The following SLC4A10 variants were observed in gnomAD, a reference collection of about 807,000 sequenced individuals.
SLC4A10 encodes sodium-driven chloride bicarbonate exchanger.
A neutral mutation model predicts 137.7 loss-of-function variants in SLC4A10; 42 were observed. The ratio of observed to expected loss-of-function variants is 0.30; its 90% CI spans 0.24 to 0.39. The LOEUF (loss-of-function observed/expected upper bound fraction) is 0.39. SLC4A10 is among the 10% of genes least tolerant of loss of function. SLC4A10 has a pLI of 1.00. For missense variants in SLC4A10, 925 were observed against 1,355.0 expected (o/e 0.68, Z 4.98); for synonymous variants, 474 against 464.1 (o/e 1.02, Z -0.27).
intron 2 of SLC4A10, among the ~76,000 whole-genome samples, chr2:161,789,104 A>G (rs2053939448): frequency 6.6e-6 from 1 of 152,222 alleles, no homozygotes; most frequent in Admixed American, 6.5e-5. Context: ...TGAGTGCACA[A>G]CCAGTGTGGC....
intron 3 of SLC4A10, among the ~76,000 whole-genome samples, chr2:161,833,397 A>G (rs1171567561): frequency 3.5e-4 from 54 of 152,226 alleles, no homozygotes; most frequent in Admixed American, 3.5e-3. Flanking sequence ...TAGATGAGGC[A>G]TTAATTAGTA....
chr2:161,778,148 C>T (rs1559228319), intron 2 of SLC4A10, among the ~76,000 whole-genome samples: 1 of 151,906 alleles, frequency 6.6e-6, no homozygotes, highest in Non-Finnish European at 1.5e-5. Context: ...TTATTACAGA[C>T]TTTCTGTTCA....
At chr2:161,906,553 T>C (rs1234157416) in intron 15 of SLC4A10, among the ~76,000 whole-genome samples, 2 of 152,206 alleles carry the variant, frequency 1.3e-5, no homozygotes, top group Non-Finnish European at 2.9e-5. Flanking sequence ...GGCCATTAAA[T>C]GACCCCATTA....
intron 1 of SLC4A10, among the ~76,000 whole-genome samples, chr2:161,698,477 T>A (rs962479881): frequency 2.0e-5 from 3 of 152,192 alleles, no homozygotes. Context: ...TTGAGATACG[T>A]CCCATCAATA....
At chr2:161,825,293 G>A (rs1270713051) in intron 3 of SLC4A10, among the ~76,000 whole-genome samples, 2 of 151,942 alleles carry the variant, frequency 1.3e-5, no homozygotes, top group Non-Finnish European at 2.9e-5. Context: ...ACATCTTCCT[G>A]CAGATGCTCC....
At chr2:161,702,195 T>C (rs2043193083) in intron 1 of SLC4A10, among the ~76,000 whole-genome samples, 1 of 151,882 alleles carries the variant, frequency 6.6e-6, no homozygotes, top group Non-Finnish European at 1.5e-5. Flanking sequence ...GTGGTATATA[T>C]AAACAATGAA....
intron 4 of SLC4A10, among the ~76,000 whole-genome samples, chr2:161,850,379 G>C (rs1353026215): frequency 6.6e-6 from 1 of 152,026 alleles, no homozygotes; most frequent in African/African-American, 2.4e-5. Context: ...GACAGAGCAA[G>C]ACTCTGTCTC....
chr2:161,713,083 G>C (rs934541595), intron 1 of SLC4A10, among the ~76,000 whole-genome samples: 3 of 151,794 alleles, frequency 2.0e-5, no homozygotes, highest in Admixed American at 6.6e-5. Flanking sequence ...ATTTCAGGCA[G>C]AGGAAACAAC....
chr2:161,703,227 T>C (rs2043305122), intron 1 of SLC4A10, among the ~76,000 whole-genome samples: 1 of 151,766 alleles, frequency 6.6e-6, no homozygotes, highest in African/African-American at 2.4e-5. Flanking sequence ...CACAAAGATG[T>C]TTATTACACT....
intron 9 of SLC4A10, among the ~76,000 whole-genome samples, chr2:161,882,128 T>C (rs1055966196): frequency 2.9e-5 from 4 of 136,748 alleles, no homozygotes; most frequent in African/African-American, 1.0e-4. Context: ...AACACTGTGA[T>C]AAAAAAAAAA....
chr2:161,915,820 C>T (rs1338346009), intron 15 of SLC4A10, among the ~76,000 whole-genome samples: 3 of 152,120 alleles, frequency 2.0e-5, no homozygotes, highest in South Asian at 2.1e-4. Context: ...AAATATCCTG[C>T]TTCAATATGG....
At chr2:161,733,889 T>G (rs142524884) in intron 1 of SLC4A10, among the ~76,000 whole-genome samples, 1 of 152,114 alleles carries the variant, frequency 6.6e-6, no homozygotes, top group African/African-American at 2.4e-5. Flanking sequence ...GGAGATCAAT[T>G]TGGATTTTTA....
At chr2:161,728,880 G>A (rs1446760746) in intron 1 of SLC4A10, among the ~76,000 whole-genome samples, 2 of 152,002 alleles carry the variant, frequency 1.3e-5, no homozygotes, top group South Asian at 2.1e-4. Context: ...TTTTATCTTG[G>A]GAATGAAAGG....
At chr2:161,945,827 C>T (rs936958512) in intron 16 of SLC4A10, among the ~76,000 whole-genome samples, 2 of 151,738 alleles carry the variant, frequency 1.3e-5, no homozygotes, top group African/African-American at 4.8e-5. Flanking sequence ...GCTAAGGAAC[C>T]CTTTAAATGT....
In SLC4A10 at chr2:161,696,630, T is replaced by G. The variant is rs577692219; in HGVS notation, c.48+72064T>G. On this transcript the variant is annotated intron_variant, in intron 1 of 26. Coordinates refer to ENST00000446997, the MANE Select transcript of SLC4A10 (RefSeq NM_001178015.2). ...TTCATCCATGTCTCTACAAAGGACATGAACTCATCATTTTTTATGGCTGCA... is the reference window on the plus strand; with the variant it reads ...TTCATCCATGTCTCTACAAAGGACAGGAACTCATCATTTTTTATGGCTGCA... Among the ~76,000 whole-genome samples, 16 of 150,128 alleles carry G rather than the reference T, an allele frequency of 1.1e-4. 1 individual carries two copies. In the South Asian group the frequency reaches 2.5e-3, roughly 24 times the overall value.
chr2:161,728,133 T>G (rs1297454658), intron 1 of SLC4A10, among the ~76,000 whole-genome samples: 3 of 152,206 alleles, frequency 2.0e-5, no homozygotes, highest in African/African-American at 7.2e-5. Context: ...GAAAAGTCTA[T>G]GTACATAAAT....
intron 2 of SLC4A10, among the ~76,000 whole-genome samples, chr2:161,786,091 C>T (rs909440649): frequency 1.3e-5 from 2 of 151,784 alleles, no homozygotes; most frequent in Non-Finnish European, 2.9e-5. Context: ...CTTTATAAAT[C>T]TGGGTGGTCA....
At chr2:161,818,020 G>C (rs2057258768) in intron 3 of SLC4A10, among the ~76,000 whole-genome samples, 1 of 152,128 alleles carries the variant, frequency 6.6e-6, no homozygotes, top group African/African-American at 2.4e-5. Context: ...TGTGAAGAAA[G>C]TCATTGGTAG....
At chr2:161,734,472 A>C (rs1278981262) in intron 1 of SLC4A10, among the ~76,000 whole-genome samples, 2 of 152,002 alleles carry the variant, frequency 1.3e-5, no homozygotes, top group African/African-American at 4.8e-5. Context: ...GAGGCCTCCC[A>C]AGCCATGTGG....
Sources: gnomAD v4.1 joint callset for allele counts (sites outside exome capture counted in the v4.1 genomes callset) on GRCh38, gnomAD v4.1.1 for gene constraint, MANE v1.5 for transcripts, NCBI Gene and HGNC (gene_info 2026-07-23, HGNC 2026-07-21) for gene names.